Variants in AUH observed in about 807,000 individuals in gnomAD.
AUH encodes methylglutaconyl-CoA hydratase, mitochondrial.
In AUH, 29 loss-of-function variants were observed where a neutral mutation model predicts 42.3. That is an observed-to-expected ratio of 0.69 (90% CI 0.51 to 0.93). The LOEUF (loss-of-function observed/expected upper bound fraction) is 0.93. Ranked by LOEUF, AUH falls within the 40% of genes least tolerant of loss-of-function variation. The pLI is 0.00. For synonymous variants in AUH, 174 were observed against 166.4 expected (o/e 1.05, Z -0.35); for missense variants, 452 against 438.1 (o/e 1.03, Z -0.28).
At chr9:91,344,703 G>A (rs1439650288) in intron 3 of AUH, among the ~76,000 whole-genome samples, 9 of 152,212 alleles carry the variant, frequency 5.9e-5, no homozygotes, top group Admixed American at 2.6e-4. Context: ...GGAAATAGAA[G>A]GAAGGAACAT....
chr9:91,283,433 T>C (rs1393166315), intron 6 of AUH, among the ~76,000 whole-genome samples: 1 of 152,252 alleles, frequency 6.6e-6, no homozygotes, highest in East Asian at 1.9e-4. Flanking sequence ...ACCACTCCTA[T>C]TCAACATAGT....
intron 4 of AUH, among the ~76,000 whole-genome samples, chr9:91,312,737 A>G (rs957683583): frequency 4.6e-5 from 7 of 152,130 alleles, no homozygotes; most frequent in Non-Finnish European, 8.8e-5. Context: ...TTTTTAAAAC[A>G]AACAAAAAAA....
At position 91,312,722 on chromosome 9, in the gene AUH, T is replaced by C. The variant is rs537976126; in HGVS notation, c.505+12596A>G. Reference sequence around the variant, plus strand: ...GCCTGAGCAACAGAGTGGGACCCTATCTTTTTTTTAAAACAAACAAAAAAA... The same window carrying C: ...GCCTGAGCAACAGAGTGGGACCCTACCTTTTTTTTAAAACAAACAAAAAAA... On this transcript the variant is annotated intron_variant, in intron 4 of 9. Coordinates refer to ENST00000375731, the MANE Select transcript of AUH (RefSeq NM_001698.3). 3.3e-5 allele frequency among the ~76,000 whole-genome samples: 5 copies of C among 152,290 alleles called. No individual in the cohort carries two copies. In the South Asian group the frequency reaches 6.2e-4, roughly 19 times the overall value.
Position 91,217,269 on chromosome 9 carries a change from G to A in AUH, c.894+8C>T, listed in dbSNP as rs551351122. ...TCCCAAAACAAACTCAAGCATTAAG[G>A]AACCTACCTCCATCCCTTGATTAAT... is the stretch of plus-strand genomic sequence containing the variant. On this transcript the variant is annotated splice_region_variant and intron_variant, in intron 8 of 9. Transcript: ENST00000375731. 2 of 1,612,804 alleles carry A rather than the reference G, an allele frequency of 1.2e-6. No individual in the cohort carries two copies. Among genetic ancestry groups the A allele is most frequent in the Non-Finnish European group, 1.7e-6 (2 of 1,179,008 alleles).
intron 6 of AUH, among the ~76,000 whole-genome samples, chr9:91,255,981 AT>A (rs1829384854): frequency 6.6e-6 from 1 of 151,966 alleles, no homozygotes; most frequent in African/African-American, 2.4e-5. Context: ...TTTATCTTCC[AT>A]TTTATAGGAA....
At chr9:91,356,029 C>T in intron 2 of AUH, 59 bp from the exon 3 acceptor site, 1 of 1,589,682 alleles carries the variant, frequency 6.3e-7, no homozygotes, top group Non-Finnish European at 8.6e-7. Flanking sequence ...AACATTTTTA[C>T]ATTGATGACA....
chr9:91,350,247 A>G (rs922343956), intron 3 of AUH, among the ~76,000 whole-genome samples: 3 of 152,248 alleles, frequency 2.0e-5, no homozygotes, highest in Admixed American at 6.5e-5. Context: ...GTCTAAGTGT[A>G]TAAAATTTTA....
intron 3 of AUH, among the ~76,000 whole-genome samples, chr9:91,341,008 T>C (rs1757648): frequency 0.13 from 19,298 of 152,258 alleles, 1,816 homozygotes; most frequent in African/African-American, 0.27. Context: ...GAGAAAGCCC[T>C]GAGAAGGCAA....
At chr9:91,267,406 T>C (rs1186598904) in intron 6 of AUH, among the ~76,000 whole-genome samples, 1 of 152,194 alleles carries the variant, frequency 6.6e-6, no homozygotes, top group Non-Finnish European at 1.5e-5. Flanking sequence ...ATGAGGCCCA[T>C]GTTTTTCATT....
Position 91,220,949 on chromosome 9 carries a change from G to C in AUH, c.699C>G (p.Ala233=), listed in dbSNP as rs1827099747. Residue 233 remains alanine, a synonymous_variant, in exon 7 of 10, where the codon GCC becomes GCG. Transcript: ENST00000375731. ...RLPRAIGMSL[A]KELIFSARVL... is the part of the protein sequence containing the mutation. ...CTCGCGCAGAGAATATGAGCTCCTT[G>C]GCCAGGGACATTCCAATGGCGCGTG... The C allele has an allele frequency of 1.2e-6, 2 of 1,614,204 alleles. No homozygotes were observed. Among genetic ancestry groups the C allele is most frequent in the Non-Finnish European group, 8.5e-7 (1 of 1,180,046 alleles).
At chr9:91,226,090 G>A (rs1011120410) in intron 6 of AUH, among the ~76,000 whole-genome samples, 1 of 147,392 alleles carries the variant, frequency 6.8e-6, no homozygotes, top group African/African-American at 2.5e-5. Context: ...TGGGTCAAAT[G>A]GTATTTCTAG....
At chr9:91,307,947 T>C (rs934845030) in intron 4 of AUH, among the ~76,000 whole-genome samples, 1 of 152,172 alleles carries the variant, frequency 6.6e-6, no homozygotes, top group Non-Finnish European at 1.5e-5. Context: ...AATTCTGTCA[T>C]TGTTCAATAG....
intron 6 of AUH, among the ~76,000 whole-genome samples, chr9:91,283,344 C>A (rs899021733): frequency 1.3e-4 from 20 of 152,284 alleles, no homozygotes; most frequent in Admixed American, 3.9e-4. Flanking sequence ...GACAAACCCA[C>A]AGCCAATATC....
intron 6 of AUH, among the ~76,000 whole-genome samples, chr9:91,242,902 G>A (rs1828597372): frequency 6.6e-6 from 1 of 152,128 alleles, no homozygotes; most frequent in Non-Finnish European, 1.5e-5. Context: ...ATGAAGACAA[G>A]AATGTTTCTG....
intron 3 of AUH, among the ~76,000 whole-genome samples, chr9:91,328,816 T>C (rs1354540875): frequency 2.0e-5 from 3 of 152,196 alleles, no homozygotes; most frequent in African/African-American, 4.8e-5. Flanking sequence ...ACTTTAAGTA[T>C]AGAATTCAAG....
chr9:91,239,744 C>T (rs181187102), intron 6 of AUH, among the ~76,000 whole-genome samples: 30 of 150,626 alleles, frequency 2.0e-4, no homozygotes, highest in Admixed American at 8.6e-4. Context: ...AAAACACACA[C>T]GCACACACAC....
At chr9:91,263,199 T>C (rs1394489460) in intron 6 of AUH, among the ~76,000 whole-genome samples, 2 of 152,222 alleles carry the variant, frequency 1.3e-5, no homozygotes, top group East Asian at 1.9e-4. Flanking sequence ...TGAAGCCCCA[T>C]CCTCACTTCT....
At chr9:91,293,050 C>T (rs1173036940) in intron 6 of AUH, among the ~76,000 whole-genome samples, 4 of 152,200 alleles carry the variant, frequency 2.6e-5, no homozygotes, top group South Asian at 2.1e-4. Context: ...CCATGAACCA[C>T]GCCCACATAG....
chr9:91,235,312 T>C (rs535760649), intron 6 of AUH, among the ~76,000 whole-genome samples: 4 of 152,102 alleles, frequency 2.6e-5, no homozygotes, highest in African/African-American at 9.6e-5. Context: ...GAGAGAGATG[T>C]GGAGGACTTG....
Sources: allele counts gnomAD v4.1 joint callset (sites outside exome capture counted in the v4.1 genomes callset), GRCh38; gene constraint gnomAD v4.1.1; transcripts MANE v1.5; gene names NCBI Gene and HGNC (gene_info 2026-07-23, HGNC 2026-07-21).